DOCK3: variants seen among roughly 807,000 people sequenced by gnomAD.
DOCK3 encodes dedicator of cytokinesis 3, also known as dedicator of cytokinesis protein 3.
Under a neutral mutation model 265.6 loss-of-function variants are expected in DOCK3, and 60 were observed. The ratio of observed to expected loss-of-function variants is 0.23; its 90% CI spans 0.18 to 0.28. The LOEUF (loss-of-function observed/expected upper bound fraction) is 0.28. Among genes scored for constraint, DOCK3 ranks in the 10% least tolerant of loss-of-function variants. The pLI is 1.00. For synonymous variants in DOCK3, 881 were observed against 938.0 expected, an observed-to-expected ratio of 0.94 and a Z score of 1.11; for missense variants, 1,981 against 2,594.3, an observed-to-expected ratio of 0.76 and a Z score of 5.14.
intron 9 of DOCK3, among the ~76,000 whole-genome samples, chr3:51,140,913 A>G (rs1474636988): frequency 1.3e-5 from 2 of 152,172 alleles, no homozygotes; most frequent in Non-Finnish European, 2.9e-5. Flanking sequence ...AGAAATATCT[A>G]TTCAAGTTAC....
intron 12 of DOCK3, among the ~76,000 whole-genome samples, chr3:51,199,367 C>T (rs574115974): frequency 3.9e-5 from 6 of 152,232 alleles, no homozygotes; most frequent in Non-Finnish European, 5.9e-5. Context: ...GCTTAAAAAA[C>T]GACACATCAG....
chr3:51,315,286 T>C (rs1368313956), intron 32 of DOCK3, among the ~76,000 whole-genome samples, 158 bp downstream of exon 32: 1 of 152,160 alleles, frequency 6.6e-6, no homozygotes, highest in Non-Finnish European at 1.5e-5. Flanking sequence ...CTGGCCAAAA[T>C]TGATTTGTGG....
chr3:51,307,269 C>T (rs1402722327), intron 27 of DOCK3, among the ~76,000 whole-genome samples: 1 of 152,064 alleles, frequency 6.6e-6, no homozygotes, highest in Non-Finnish European at 1.5e-5. Context: ...GCATGCACCA[C>T]CACATGCAGC....
rs149206437 is a variant in DOCK3 at position 51,153,489 on chromosome 3, C to T, written c.829-5755C>T. ...GGTGAAGCGATGCCCCACACTGCTT[C>T]GGCTTGCCCTCCTTGGGCTGCACCC... On this transcript the variant is annotated intron_variant, in intron 10 of 52. Transcript: ENST00000266037. Among the ~76,000 whole-genome samples the T allele has an allele frequency of 7.2e-5, 11 of 152,326 alleles. No homozygotes were observed. In the East Asian group the frequency reaches 7.7e-4, roughly 11 times the overall value.
intron 5 of DOCK3, among the ~76,000 whole-genome samples, chr3:50,978,966 C>T (rs1021508645): frequency 6.6e-6 from 1 of 152,188 alleles, no homozygotes. Flanking sequence ...TGACCCCTTG[C>T]GCTTCCCGAG....
chr3:51,350,467 C>G, intron 40 of DOCK3, 75 bp downstream of exon 40: 1 of 1,499,502 alleles, frequency 6.7e-7, no homozygotes. Flanking sequence ...TTCTTTTCTT[C>G]CCCTTTTTGC....
intron 12 of DOCK3, among the ~76,000 whole-genome samples, chr3:51,180,370 A>G (rs2087218649): frequency 6.6e-6 from 1 of 152,342 alleles, no homozygotes; most frequent in Admixed American, 6.5e-5. Context: ...TTAAAACAAC[A>G]GAAATTCATT....
At chr3:50,864,274 A>G (rs954672104) in intron 3 of DOCK3, among the ~76,000 whole-genome samples, 1 of 152,050 alleles carries the variant, frequency 6.6e-6, no homozygotes, top group African/African-American at 2.4e-5. Flanking sequence ...CCATTCAGGT[A>G]TTTTGTCCAT....
chr3:51,332,327 C>T (rs2084578008), intron 33 of DOCK3, among the ~76,000 whole-genome samples: 1 of 152,244 alleles, frequency 6.6e-6, no homozygotes, highest in African/African-American at 2.4e-5. Flanking sequence ...TCTCAGAAGC[C>T]AGGCTTTTGG....
chr3:51,377,572 G>A (rs2088242453), intron 51 of DOCK3, among the ~76,000 whole-genome samples: 1 of 152,170 alleles, frequency 6.6e-6, no homozygotes, highest in African/African-American at 2.4e-5. Flanking sequence ...GATACAGTTG[G>A]GATCACCCTT....
chr3:50,706,638 G>A (rs1450650133), intron 1 of DOCK3, among the ~76,000 whole-genome samples: 1 of 152,182 alleles, frequency 6.6e-6, no homozygotes, highest in Non-Finnish European at 1.5e-5. Flanking sequence ...TTTGTCTTTC[G>A]CAAGACTTGG....
At chr3:50,957,328 A>G (rs1423179804) in intron 5 of DOCK3, among the ~76,000 whole-genome samples, 1 of 152,230 alleles carries the variant, frequency 6.6e-6, no homozygotes, top group Non-Finnish European at 1.5e-5. Context: ...TCAAATTGAT[A>G]TTTAAGATAA....
chr3:50,938,377 A>G lies in DOCK3; in HGVS notation c.315+4300A>G, dbSNP rs150650677. Reference sequence around the variant, plus strand: ...GTAATCCGTATAACCACTAGGCAATAGTCATCAGGAATAGAGAAGAACTGA... The same window carrying G: ...GTAATCCGTATAACCACTAGGCAATGGTCATCAGGAATAGAGAAGAACTGA... On this transcript the variant is annotated intron_variant, in intron 5 of 52. Coordinates refer to ENST00000266037, the MANE Select transcript of DOCK3 (RefSeq NM_004947.5). Among the ~76,000 whole-genome samples the G allele has an allele frequency of 9.9e-5, 15 of 152,262 alleles. No individual in the cohort carries two copies. The East Asian group carries it at 2.9e-3, about 29-fold the overall frequency.
intron 14 of DOCK3, 57 bp downstream of exon 14, chr3:51,214,304 T>C: frequency 6.3e-7 from 1 of 1,598,756 alleles, no homozygotes; most frequent in Non-Finnish European, 8.5e-7. Flanking sequence ...AATCTGGTGC[T>C]CCCCTCCTGA....
At chr3:51,012,995 C>T (rs113416623) in intron 5 of DOCK3, among the ~76,000 whole-genome samples, 12 of 152,306 alleles carry the variant, frequency 7.9e-5, no homozygotes, top group African/African-American at 2.9e-4. Context: ...TTTTCAGCTC[C>T]ATCAGGTCAT....
chr3:51,081,339 C>T (rs1042677484), intron 7 of DOCK3, among the ~76,000 whole-genome samples: 92 of 152,228 alleles, frequency 6.0e-4, no homozygotes, highest in African/African-American at 2.0e-3. Context: ...ACCAACACCA[C>T]GCACTGAACA....
At chr3:50,698,086 A>T (rs2035748914) in intron 1 of DOCK3, among the ~76,000 whole-genome samples, 1 of 152,092 alleles carries the variant, frequency 6.6e-6, no homozygotes, top group Non-Finnish European at 1.5e-5. Flanking sequence ...TTTTTAGTAT[A>T]TTTGTAGAGT....
At chr3:51,166,270 C>T (rs530870850) in intron 12 of DOCK3, among the ~76,000 whole-genome samples, 6 of 152,054 alleles carry the variant, frequency 3.9e-5, no homozygotes, top group Admixed American at 2.6e-4. Flanking sequence ...AGGCTGGTCT[C>T]GAACTCCTGA....
At position 51,115,252 on chromosome 3, in the gene DOCK3, C is replaced by T. The variant is rs2083684648; in HGVS notation, c.746+24868C>T. ...TTCCCAATGGTTGAACTACTTTACACTCCCACCAACAGTGCGAAAGCGTCC... is the reference window on the plus strand; with the variant it reads ...TTCCCAATGGTTGAACTACTTTACATTCCCACCAACAGTGCGAAAGCGTCC... On this transcript the variant is annotated intron_variant, in intron 9 of 52. Transcript: ENST00000266037. Among the ~76,000 whole-genome samples, 3 of 152,182 alleles carry T rather than the reference C, an allele frequency of 2.0e-5. No individual in the cohort carries two copies. In the South Asian group the frequency reaches 6.2e-4, roughly 32 times the overall value.
Sources: gnomAD v4.1 joint callset for allele counts (sites outside exome capture counted in the v4.1 genomes callset) on GRCh38, gnomAD v4.1.1 for gene constraint, MANE v1.5 for transcripts, NCBI Gene and HGNC (gene_info 2026-07-23, HGNC 2026-07-21) for gene names.